The following DPY19L1 variants were observed in gnomAD, a reference collection of about 807,000 sequenced individuals.
DPY19L1 encodes the protein protein C-mannosyl-transferase DPY19L1.
In DPY19L1, 35 loss-of-function variants were observed where a neutral mutation model predicts 96.9. The ratio of observed to expected loss-of-function variants is 0.36; its 90% CI spans 0.28 to 0.48. The LOEUF is 0.48. Ranked by LOEUF, DPY19L1 falls within the 20% of genes least tolerant of loss-of-function variation. The pLI is 0.99. For synonymous variants in DPY19L1, 205 were observed against 252.6 expected (o/e 0.81, Z 1.79); for missense variants, 521 against 777.9 (o/e 0.67, Z 3.93).
chr7:35,004,607 A>C (rs1401122659), intron 6 of DPY19L1, among the ~76,000 whole-genome samples: 1 of 152,240 alleles, frequency 6.6e-6, no homozygotes, highest in Non-Finnish European at 1.5e-5. Flanking sequence ...ACATGTATAT[A>C]AAGATTTTAC....
intron 13 of DPY19L1, among the ~76,000 whole-genome samples, chr7:34,952,115 A>T (rs1444088511): frequency 1.3e-5 from 1 of 79,232 alleles, no homozygotes; most frequent in East Asian, 3.3e-4. Context: ...TAGGAAAAAT[A>T]AAAAAAAAGA....
At chr7:35,028,044 G>A (rs1378682382) in intron 1 of DPY19L1, among the ~76,000 whole-genome samples, 1 of 152,200 alleles carries the variant, frequency 6.6e-6, no homozygotes, top group East Asian at 1.9e-4. Context: ...CAATGAAAAT[G>A]TCTAACATCT....
At chr7:35,011,259 A>C in intron 5 of DPY19L1, 71 bp downstream of exon 5, 4 of 1,534,446 alleles carry the variant, frequency 2.6e-6, no homozygotes, top group Non-Finnish European at 1.8e-6. Flanking sequence ...TTTACAGTGT[A>C]AGTTTATTAT....
intron 7 of DPY19L1, among the ~76,000 whole-genome samples, chr7:34,977,162 T>C (rs993604920): frequency 6.6e-6 from 1 of 152,210 alleles, no homozygotes; most frequent in Non-Finnish European, 1.5e-5. Flanking sequence ...AACTTTTATA[T>C]GCACTGGAAA....
chr7:34,989,451 T>TA (rs2128672031), intron 7 of DPY19L1, among the ~76,000 whole-genome samples: 1 of 152,078 alleles, frequency 6.6e-6, no homozygotes, highest in East Asian at 1.9e-4. Context: ...TCCATCTCTA[T>TA]AAAAAATTTA....
chr7:34,988,781 G>C (rs185695629), intron 7 of DPY19L1, among the ~76,000 whole-genome samples: 178 of 152,300 alleles, frequency 1.2e-3, no homozygotes, highest in Middle Eastern at 6.8e-3. Context: ...AGATGTATTA[G>C]AAATTCATTT....
chr7:34,996,734 A>AC (rs1785293367), intron 6 of DPY19L1, among the ~76,000 whole-genome samples: 1 of 151,954 alleles, frequency 6.6e-6, no homozygotes, highest in South Asian at 2.1e-4. Flanking sequence ...AAATCCAAAC[A>AC]CCAAAACATA....
intron 1 of DPY19L1, among the ~76,000 whole-genome samples, chr7:35,035,185 G>C (rs1786362030): frequency 6.6e-6 from 1 of 152,204 alleles, no homozygotes; most frequent in South Asian, 2.1e-4. Flanking sequence ...CTCTAGACCT[G>C]GGTCTGTTCA....
At chr7:34,959,034 C>A (rs1324022537) in intron 10 of DPY19L1, among the ~76,000 whole-genome samples, 5 of 150,692 alleles carry the variant, frequency 3.3e-5, no homozygotes, top group Non-Finnish European at 5.9e-5. Context: ...AAAAAAAAAA[C>A]CATCAAAAAG....
chr7:34,977,093 A>G lies in DPY19L1; in HGVS notation c.823-3488T>C, dbSNP rs149593396. Among the ~76,000 whole-genome samples, 123 of 152,298 alleles carry G rather than the reference A, an allele frequency of 8.1e-4. 3 individuals are homozygous for G. In the East Asian group the frequency reaches 0.023, roughly 29 times the overall value. On this transcript the variant is annotated intron_variant, in intron 7 of 21. Coordinates refer to ENST00000638088, the MANE Select transcript of DPY19L1 (RefSeq NM_001366673.1). ...CTTATTTTTAAATTAAGGTATGTACATTGTTTTTTAGACATAATGCTATTT... is the reference window on the plus strand; with the variant it reads ...CTTATTTTTAAATTAAGGTATGTACGTTGTTTTTTAGACATAATGCTATTT...
intron 1 of DPY19L1, among the ~76,000 whole-genome samples, chr7:35,026,963 G>A (rs554193048): frequency 2.0e-5 from 3 of 152,238 alleles, no homozygotes; most frequent in African/African-American, 4.8e-5. Flanking sequence ...TTGGGAGGCC[G>A]AGGCAGGTGG....
At chr7:34,968,197 G>T (rs374081959) in intron 9 of DPY19L1, among the ~76,000 whole-genome samples, 1 of 151,968 alleles carries the variant, frequency 6.6e-6, no homozygotes, top group African/African-American at 2.4e-5. Flanking sequence ...AAAGTAAAAA[G>T]TAAGTACAAA....
rs557417066 is a variant in DPY19L1 at position 35,009,141 on chromosome 7, T to C, written c.764+1327A>G. ...TATTTTACATTGATCTTCTAACAGC[T>C]TCCTCTTTTGACAAATGCTTATCAA... is the stretch of plus-strand genomic sequence containing the variant. On this transcript the variant is annotated intron_variant, in intron 6 of 21. Transcript: ENST00000638088. Among the ~76,000 whole-genome samples, 262 of 152,354 alleles carry C rather than the reference T, an allele frequency of 1.7e-3. 4 individuals are homozygous for C. Among genetic ancestry groups the C allele is most frequent in the Non-Finnish European group, 2.4e-4 (16 of 68,038 alleles).
At chr7:34,968,228 AATG>A (rs762850516) in intron 9 of DPY19L1, among the ~76,000 whole-genome samples, 24 of 152,296 alleles carry the variant, frequency 1.6e-4, no homozygotes, top group Non-Finnish European at 2.9e-4. Context: ...TTTAAAAAAT[AATG>A]ATAAAACCAA....
chr7:34,934,115 C>T (rs12533229), intron 21 of DPY19L1, among the ~76,000 whole-genome samples: 2 of 151,882 alleles, frequency 1.3e-5, no homozygotes, highest in Non-Finnish European at 2.9e-5. Context: ...AGGTGCCCAC[C>T]ACCACGCCCA....
chr7:35,026,246 C>T (rs574887120), intron 1 of DPY19L1, among the ~76,000 whole-genome samples: 71 of 152,288 alleles, frequency 4.7e-4, no homozygotes, highest in African/African-American at 1.5e-3. Flanking sequence ...ATTGTATCAC[C>T]TGGGAGTAGC....
rs188288900 is a variant in DPY19L1 at position 34,978,110 on chromosome 7, G to A, written c.823-4505C>T. Among the ~76,000 whole-genome samples the A allele has an allele frequency of 3.0e-3, 449 of 151,970 alleles. 3 individuals are homozygous for A. The highest frequency in any genetic ancestry group is 0.011 in the African/African-American group (439 of 41,458). ...TCAAACTATTAACTTATAATATTGG[G>A]AATACAGTATGATCTAATTGATTTA... On this transcript the variant is annotated intron_variant, in intron 7 of 21. Transcript: ENST00000638088.
At position 34,966,944 on chromosome 7, in the gene DPY19L1, C is replaced by T. The variant is rs2128667099; in HGVS notation, c.1042G>A (p.Val348Ile). The change falls in exon 10 of 22, where the codon GTC becomes ATC. Residue 348 changes from valine (V) to isoleucine (I), a missense_variant. Physicochemically the swap from Val to Ile is conservative, Grantham distance 29. Transcript: ENST00000638088. ...QIASLFAVYVVGYIDICKLRK... is the reference protein window; with the variant it reads ...QIASLFAVYVIGYIDICKLRK... ...AATTTACATATATCAATGTACCCGACAACATATACTGCAAATAATGATGCA... is the reference window on the plus strand; with the variant it reads ...AATTTACATATATCAATGTACCCGATAACATATACTGCAAATAATGATGCA... 4.5e-6 allele frequency: 7 copies of T among 1,539,788 alleles called. No homozygotes were observed. Among genetic ancestry groups the T allele is most frequent in the Non-Finnish European group, 6.1e-6 (7 of 1,144,864 alleles).
Position 35,022,971 on chromosome 7 carries a change from C to T in DPY19L1, c.299-4375G>A, listed in dbSNP as rs374762854. Among the ~76,000 whole-genome samples, 16 of 152,266 alleles carry T rather than the reference C, an allele frequency of 1.1e-4. No individual in the cohort carries two copies. In the East Asian group the frequency reaches 1.2e-3, roughly 11 times the overall value. On this transcript the variant is annotated intron_variant, in intron 1 of 21. Transcript: ENST00000638088. ...TCGGAGAGATTTCCCTGTCCCCAGC[C>T]GGCCTGCTCCCTGTGGCCATTTCCT...
Sources: allele counts gnomAD v4.1 joint callset (sites outside exome capture counted in the v4.1 genomes callset), GRCh38; gene constraint gnomAD v4.1.1; transcripts MANE v1.5; gene names NCBI Gene and HGNC (gene_info 2026-07-23, HGNC 2026-07-21).